The following CWC27 variants were observed in gnomAD, a reference collection of about 807,000 sequenced individuals.
CWC27 encodes the protein spliceosome-associated protein CWC27 homolog.
Under a neutral mutation model 63.6 loss-of-function variants are expected in CWC27, and 47 were observed. The ratio of observed to expected loss-of-function variants is 0.74; its 90% CI spans 0.58 to 0.94. The LOEUF (loss-of-function observed/expected upper bound fraction) is 0.94. Ranked by LOEUF, CWC27 falls within the 40% of genes least tolerant of loss-of-function variation. The probability of loss-of-function intolerance (pLI) is 0.00; values close to 1 mark genes in which losing one functional copy is unlikely to be tolerated. For synonymous variants in CWC27, 175 were observed against 179.8 expected, an observed-to-expected ratio of 0.97 and a Z score of 0.22; for missense variants, 495 against 554.3, an observed-to-expected ratio of 0.89 and a Z score of 1.07.
chr5:65,011,964 T>C (rs1230032522), intron 13 of CWC27, among the ~76,000 whole-genome samples: 1 of 152,232 alleles, frequency 6.6e-6, no homozygotes, highest in East Asian at 1.9e-4. Flanking sequence ...ATTAATGCTT[T>C]TTCTTTTTTG....
chr5:64,860,264 AAT>A (rs1298406625), intron 10 of CWC27, among the ~76,000 whole-genome samples: 1 of 152,242 alleles, frequency 6.6e-6, no homozygotes, highest in Non-Finnish European at 1.5e-5. Flanking sequence ...TACAATATTT[AAT>A]ATGATACTAG....
At position 64,973,391 on chromosome 5, in the gene CWC27, T is replaced by G. The variant is rs16893286; in HGVS notation, c.1152+1579T>G. Among the ~76,000 whole-genome samples the G allele has an allele frequency of 5.3e-3, 804 of 152,324 alleles. 12 individuals carry two copies. The highest frequency in any genetic ancestry group is 0.018 in the African/African-American group (757 of 41,584). ...ACAGGGCCCAGTTGGGAGACTCTTG[T>G]GTTAGATATGCATAAACAGAGTATG... On this transcript the variant is annotated intron_variant, in intron 12 of 13. Transcript: ENST00000381070.
intron 10 of CWC27, among the ~76,000 whole-genome samples, chr5:64,840,510 A>T (rs2112279814): frequency 6.7e-6 from 1 of 148,714 alleles, no homozygotes; most frequent in South Asian, 2.2e-4. Flanking sequence ...AGAACTCTTA[A>T]TATTTTGGCA....
intron 10 of CWC27, among the ~76,000 whole-genome samples, chr5:64,881,573 C>A (rs942101407): frequency 1.8e-4 from 28 of 152,044 alleles, no homozygotes; most frequent in African/African-American, 6.0e-4. Flanking sequence ...CTTGTGTGCT[C>A]AATATTTTAC....
intron 11 of CWC27, among the ~76,000 whole-genome samples, chr5:64,960,577 T>C (rs1444756225): frequency 1.3e-5 from 2 of 152,104 alleles, no homozygotes; most frequent in Non-Finnish European, 2.9e-5. Flanking sequence ...TTCCAGAAAG[T>C]ATGAGGTACA....
At chr5:64,991,793 A>G (rs1749541670) in intron 13 of CWC27, among the ~76,000 whole-genome samples, 1 of 152,142 alleles carries the variant, frequency 6.6e-6, no homozygotes, top group Non-Finnish European at 1.5e-5. Context: ...TAAATGAACA[A>G]ATTTGCTCTG....
chr5:64,942,304 C>T (rs1398423648), intron 11 of CWC27, among the ~76,000 whole-genome samples: 2 of 151,636 alleles, frequency 1.3e-5, no homozygotes, highest in Non-Finnish European at 2.9e-5. Context: ...GTGGTATGCA[C>T]CTGTAGTTGT....
chr5:64,862,358 AC>A (rs1297924348), intron 10 of CWC27, among the ~76,000 whole-genome samples: 1 of 133,540 alleles, frequency 7.5e-6, no homozygotes, highest in Non-Finnish European at 1.6e-5. Context: ...AATATAATAT[AC>A]CCTTCCTCAA....
chr5:64,809,191 G>T (rs1007531282), intron 10 of CWC27, among the ~76,000 whole-genome samples: 12 of 152,082 alleles, frequency 7.9e-5, no homozygotes, highest in African/African-American at 2.7e-4. Context: ...ATATTTATAG[G>T]TTACTATGTG....
intron 11 of CWC27, among the ~76,000 whole-genome samples, chr5:64,933,738 A>C (rs1195317940): frequency 1.3e-5 from 2 of 150,278 alleles, no homozygotes; most frequent in African/African-American, 4.9e-5. Flanking sequence ...TAATCCACCC[A>C]CCTCTGCCTC....
intron 13 of CWC27, 21 bp from the exon 14 acceptor site, chr5:65,018,138 A>C (rs1410391057): frequency 6.4e-7 from 1 of 1,562,976 alleles, no homozygotes; most frequent in Non-Finnish European, 8.6e-7. Flanking sequence ...AAATCACTGA[A>C]CCATCTCTCT....
In CWC27 at chr5:64,863,759, G is replaced by C. The variant is rs527651198; in HGVS notation, c.939-21684G>C. On this transcript the variant is annotated intron_variant, in intron 10 of 13. Coordinates refer to ENST00000381070, the MANE Select transcript of CWC27 (RefSeq NM_005869.4). ...CCACTTTGGCCTCCAAGAGTGCTGG[G>C]GTTACAGGCATGAGACACTGCATTC... Among the ~76,000 whole-genome samples, 18 of 152,182 alleles carry C rather than the reference G, an allele frequency of 1.2e-4. No homozygotes were observed. The South Asian group carries it at 3.7e-3, about 32-fold the overall frequency.
chr5:64,855,255 G>A (rs1746222814), intron 10 of CWC27, among the ~76,000 whole-genome samples: 3 of 152,160 alleles, frequency 2.0e-5, no homozygotes, highest in South Asian at 4.1e-4. Flanking sequence ...TCATCTCCAA[G>A]TAATTATTCA....
chr5:64,840,230 G>A (rs375335684), intron 10 of CWC27, among the ~76,000 whole-genome samples: 5 of 151,440 alleles, frequency 3.3e-5, no homozygotes, highest in South Asian at 2.1e-4. Flanking sequence ...GACAGTAGAG[G>A]AATTACTGCT....
At chr5:65,006,745 G>C (rs975635566) in intron 13 of CWC27, among the ~76,000 whole-genome samples, 1 of 151,878 alleles carries the variant, frequency 6.6e-6, no homozygotes, top group African/African-American at 2.4e-5. Flanking sequence ...TCACTCCTTA[G>C]GTATGGATTA....
At chr5:64,784,376 GACATT>G (rs1168413703) in intron 4 of CWC27, among the ~76,000 whole-genome samples, 7 of 152,094 alleles carry the variant, frequency 4.6e-5, no homozygotes, top group Non-Finnish European at 1.0e-4. Context: ...AATTTGTGTT[GACATT>G]GAAACTTCTT....
chr5:64,911,501 A>G (rs912879653), intron 11 of CWC27, among the ~76,000 whole-genome samples: 1 of 152,226 alleles, frequency 6.6e-6, no homozygotes, highest in Non-Finnish European at 1.5e-5. Context: ...TCTCTATAAG[A>G]CTTTAGAGAA....
At chr5:64,776,116 A>AGAGAGAGAGAGAGAGAGAGAGG (rs1743441952) in intron 2 of CWC27, among the ~76,000 whole-genome samples, 1 of 99,118 alleles carries the variant, frequency 1.0e-5, no homozygotes. Context: ...AGAGAGAGAG[A>AGAGAGAGAGAGAGAGAGAGAGG]GAGAGAATGA....
At chr5:64,894,470 G>A (rs531919170) in intron 11 of CWC27, among the ~76,000 whole-genome samples, 23 of 152,050 alleles carry the variant, frequency 1.5e-4, no homozygotes, top group Middle Eastern at 3.4e-3. Flanking sequence ...ACCCCCCTAG[G>A]CAAACTTAGA....
Sources: allele counts gnomAD v4.1 joint callset (sites outside exome capture counted in the v4.1 genomes callset), GRCh38; gene constraint gnomAD v4.1.1; transcripts MANE v1.5; gene names NCBI Gene and HGNC (gene_info 2026-07-23, HGNC 2026-07-21).